Variants in PCDH9 observed in about 807,000 individuals in gnomAD.
PCDH9 encodes protocadherin-9.
Under a neutral mutation model 70.6 loss-of-function variants are expected in PCDH9, and 24 were observed. The observed-to-expected ratio is 0.34, with a 90% CI of 0.25 to 0.48. The LOEUF is 0.48. PCDH9 is among the 20% of genes least tolerant of loss of function. The pLI, the probability that PCDH9 is intolerant of heterozygous loss-of-function variation, is 0.99. For synonymous variants in PCDH9, 562 were observed against 558.5 expected, an observed-to-expected ratio of 1.01 and a Z score of -0.09; for missense variants, 1,281 against 1,503.6, an observed-to-expected ratio of 0.85 and a Z score of 2.45.
chr13:67,088,554 T>A (rs1013294836), intron 2 of PCDH9, among the ~76,000 whole-genome samples: 4 of 152,034 alleles, frequency 2.6e-5, no homozygotes, highest in Non-Finnish European at 4.4e-5. Context: ...CTAATAAATT[T>A]AAACATCTGA....
chr13:66,507,642 T>C (rs993023806), intron 4 of PCDH9, among the ~76,000 whole-genome samples: 1 of 152,182 alleles, frequency 6.6e-6, no homozygotes, highest in Non-Finnish European at 1.5e-5. Flanking sequence ...CAGTGGTAAC[T>C]GGCAAAAACG....
chr13:66,304,485 C>G lies in PCDH9; in HGVS notation c.*170G>C. Reference sequence around the variant, plus strand: ...AACAAAATTGCATGGCTAGAACTATCTTCTCTCATATGTTGCAAAAACATT... The same window carrying G: ...AACAAAATTGCATGGCTAGAACTATGTTCTCTCATATGTTGCAAAAACATT... On this transcript the variant is annotated 3_prime_UTR_variant, in exon 5 of 5. Coordinates refer to ENST00000377865, the MANE Select transcript of PCDH9 (RefSeq NM_203487.3). 1.8e-4 allele frequency: 98 copies of G among 550,300 alleles called. No individual in the cohort carries two copies. Among genetic ancestry groups the G allele is most frequent in the East Asian group, 2.3e-4 (8 of 34,656 alleles). The allele number at this position is 550,300 out of a possible 1,614,324, so 34.1% of individuals were successfully genotyped here. A position where few individuals can be genotyped will look rare whatever the true frequency, so the allele number is the denominator to read the frequency against.
chr13:66,648,424 C>T (rs917551240), intron 3 of PCDH9, among the ~76,000 whole-genome samples: 12 of 152,326 alleles, frequency 7.9e-5, no homozygotes, highest in African/African-American at 2.9e-4. Context: ...GCCTGTAATC[C>T]AGAGAATTCT....
At chr13:66,655,338 C>G (rs981544094) in intron 3 of PCDH9, among the ~76,000 whole-genome samples, 8 of 151,822 alleles carry the variant, frequency 5.3e-5, no homozygotes, top group African/African-American at 1.9e-4. Context: ...AAAGTGCTTT[C>G]CAGCATTTCT....
chr13:66,574,031 C>T (rs981989623), intron 4 of PCDH9, among the ~76,000 whole-genome samples: 2 of 152,154 alleles, frequency 1.3e-5, no homozygotes, highest in Admixed American at 6.5e-5. Context: ...TGGACGAAAT[C>T]ACCTAGGAAA....
chr13:66,394,300 A>G (rs1275999352), intron 4 of PCDH9, among the ~76,000 whole-genome samples: 1 of 152,218 alleles, frequency 6.6e-6, no homozygotes, highest in Non-Finnish European at 1.5e-5. Flanking sequence ...ATCAGCATCT[A>G]GATTTCCTTC....
chr13:66,604,347 A>G (rs1272873967), intron 4 of PCDH9, among the ~76,000 whole-genome samples: 1 of 152,094 alleles, frequency 6.6e-6, no homozygotes, highest in East Asian at 1.9e-4. Context: ...TATACATATA[A>G]TTTAAAAGTA....
At chr13:66,536,199 G>A (rs536115065) in intron 4 of PCDH9, among the ~76,000 whole-genome samples, 9 of 152,094 alleles carry the variant, frequency 5.9e-5, no homozygotes, top group East Asian at 1.9e-4. Context: ...TAAATAATAT[G>A]TTCTTTGGGT....
intron 4 of PCDH9, among the ~76,000 whole-genome samples, chr13:66,376,645 G>A (rs916826838): frequency 6.6e-6 from 1 of 152,036 alleles, no homozygotes; most frequent in African/African-American, 2.4e-5. Flanking sequence ...TAAAATGTGT[G>A]ACAGTTGAAG....
rs113365656 is a variant in PCDH9 at position 67,225,714 on chromosome 13, T to C, written c.2727A>G (p.Glu909=). 11 of 1,614,186 alleles carry C rather than the reference T, an allele frequency of 6.8e-6. No individual in the cohort carries two copies. Among genetic ancestry groups the C allele is most frequent in the African/African-American group, 4.0e-5 (3 of 75,052 alleles). The change falls in exon 2 of 5, where the codon GAA becomes GAG. Residue 909 remains glutamate (E), a synonymous_variant. Transcript: ENST00000377865. The part of the protein sequence containing the change: ...PINGTISLPA[E]LEEQSIGRFD... ...ATCTTCCTATACTTTGCTCCTCCAG[T>C]TCAGCCGGCAGGCTTATTGTCCCAT...
chr13:66,329,598 A>G (rs1049703901), intron 4 of PCDH9, among the ~76,000 whole-genome samples: 7 of 152,146 alleles, frequency 4.6e-5, no homozygotes, highest in African/African-American at 1.7e-4. Flanking sequence ...GCTCTCTAAC[A>G]TCTTTCCCTG....
At chr13:66,630,733 A>C (rs1275207974) in intron 4 of PCDH9, 3 of 152,104 alleles carry the variant, frequency 2.0e-5, no homozygotes, top group Admixed American at 6.6e-5. Context: ...TCTGGTAAAA[A>C]CCAGAAAATC....
chr13:66,467,825 G>A (rs527741473), intron 4 of PCDH9, among the ~76,000 whole-genome samples: 14 of 152,146 alleles, frequency 9.2e-5, no homozygotes, highest in African/African-American at 3.4e-4. Flanking sequence ...AAAATTGTAT[G>A]ATACTTGTTT....
At chr13:66,760,143 T>C (rs1009280104) in intron 3 of PCDH9, among the ~76,000 whole-genome samples, 11 of 152,118 alleles carry the variant, frequency 7.2e-5, no homozygotes, top group Non-Finnish European at 1.0e-4. Flanking sequence ...TCATTTTTTT[T>C]CCCCCTTCAG....
chr13:67,144,561 T>A (rs999387201), intron 2 of PCDH9, among the ~76,000 whole-genome samples: 7 of 152,268 alleles, frequency 4.6e-5, no homozygotes, highest in African/African-American at 1.7e-4. Flanking sequence ...ATTAGATACT[T>A]GCTAACTACC....
intron 4 of PCDH9, among the ~76,000 whole-genome samples, chr13:66,514,740 G>A (rs1249870257): frequency 6.6e-6 from 1 of 151,954 alleles, no homozygotes; most frequent in Non-Finnish European, 1.5e-5. Flanking sequence ...CTATTTACAG[G>A]CATTGTGAAT....
At chr13:66,765,866 C>G (rs1284568254) in intron 3 of PCDH9, among the ~76,000 whole-genome samples, 1 of 151,826 alleles carries the variant, frequency 6.6e-6, no homozygotes, top group South Asian at 2.1e-4. Context: ...AGAAATGGAC[C>G]AAGACTAGGT....
chr13:66,880,286 C>T (rs1356394506), intron 3 of PCDH9: 1 of 152,168 alleles, frequency 6.6e-6, no homozygotes, highest in Non-Finnish European at 1.5e-5. Flanking sequence ...AGACACTAAA[C>T]ACAGCTGCCT....
chr13:66,698,667 C>G (rs2078594848), intron 3 of PCDH9, among the ~76,000 whole-genome samples: 1 of 152,048 alleles, frequency 6.6e-6, no homozygotes, highest in Non-Finnish European at 1.5e-5. Context: ...CAGCCTGGAC[C>G]TCCTGGGCTC....
Sources: allele counts gnomAD v4.1 joint callset (sites outside exome capture counted in the v4.1 genomes callset), GRCh38; gene constraint gnomAD v4.1.1; transcripts MANE v1.5; gene names NCBI Gene and HGNC (gene_info 2026-07-23, HGNC 2026-07-21).